Variants in BRINP3 observed in about 807,000 individuals in gnomAD.
BRINP3 encodes the protein BMP/retinoic acid-inducible neural-specific protein 3.
A neutral mutation model predicts 71.0 loss-of-function variants in BRINP3; 19 were observed. The ratio of observed to expected loss-of-function variants is 0.27; its 90% CI spans 0.19 to 0.39. The LOEUF is 0.39. Among genes scored for constraint, BRINP3 ranks in the 10% least tolerant of loss-of-function variants. The pLI is 1.00. For synonymous variants in BRINP3, 380 were observed against 337.7 expected (o/e 1.13, Z -1.37); for missense variants, 959 against 940.8 (o/e 1.02, Z -0.25).
At chr1:190,323,512 A>G (rs1666382454) in intron 2 of BRINP3, among the ~76,000 whole-genome samples, 1 of 151,864 alleles carries the variant, frequency 6.6e-6, no homozygotes, top group African/African-American at 2.4e-5. Context: ...GTACCTGTTT[A>G]ATTTTTTCAT....
At chr1:190,114,051 T>C (rs1456756808) in intron 7 of BRINP3, among the ~76,000 whole-genome samples, 1 of 152,160 alleles carries the variant, frequency 6.6e-6, no homozygotes, top group African/African-American at 2.4e-5. Context: ...TGAAATGTTA[T>C]CCTCAGTGTT....
chr1:190,364,645 A>G (rs911466553), intron 2 of BRINP3, among the ~76,000 whole-genome samples: 3 of 152,192 alleles, frequency 2.0e-5, no homozygotes, highest in African/African-American at 7.2e-5. Context: ...AATAAATCAT[A>G]GTAATCTAAC....
At chr1:190,319,333 G>A (rs1360579125) in intron 2 of BRINP3, among the ~76,000 whole-genome samples, 1 of 151,982 alleles carries the variant, frequency 6.6e-6, no homozygotes, top group Non-Finnish European at 1.5e-5. Flanking sequence ...TTTGGGTTTT[G>A]GCACTTTTTC....
chr1:190,455,279 T>C (rs1158002301), intron 1 of BRINP3, among the ~76,000 whole-genome samples: 3 of 152,128 alleles, frequency 2.0e-5, no homozygotes, highest in Admixed American at 6.5e-5. Context: ...TAAGTTCAAG[T>C]ATTTCATATA....
intron 2 of BRINP3, among the ~76,000 whole-genome samples, chr1:190,315,471 A>G (rs1280143894): frequency 6.6e-6 from 1 of 152,136 alleles, no homozygotes. Flanking sequence ...CCTCACAGAG[A>G]GCACAGCCAA....
At chr1:190,105,573 A>G (rs1394844113) in intron 7 of BRINP3, among the ~76,000 whole-genome samples, 1 of 152,118 alleles carries the variant, frequency 6.6e-6, no homozygotes, top group Non-Finnish European at 1.5e-5. Context: ...AGAAGTTTAA[A>G]TAACTAGAAC....
rs558641688 is a variant in BRINP3 at position 190,144,022 on chromosome 1, CA to C, written c.1184+16645del. On this transcript the variant is annotated intron_variant, in intron 7 of 7. Coordinates refer to ENST00000367462, the MANE Select transcript of BRINP3 (RefSeq NM_199051.3). ...TTGGATATTGATGTCCATGAAAATG[CA>C]TAGGAGAGTATTAAGGGGAAAATCC... Among the ~76,000 whole-genome samples, 106 of 152,208 alleles carry C rather than the reference CA, an allele frequency of 7.0e-4. 1 individual carries two copies. The highest frequency in any genetic ancestry group is 2.5e-3 in the African/African-American group (105 of 41,546).
At chr1:190,323,225 A>G (rs1051449934) in intron 2 of BRINP3, among the ~76,000 whole-genome samples, 1 of 152,036 alleles carries the variant, frequency 6.6e-6, no homozygotes, top group African/African-American at 2.4e-5. Context: ...AGTGATTTCC[A>G]CCACAAATTT....
chr1:190,419,541 A>G (rs2102451441), intron 2 of BRINP3, among the ~76,000 whole-genome samples: 1 of 152,106 alleles, frequency 6.6e-6, no homozygotes, highest in African/African-American at 2.4e-5. Context: ...TTTGAAATAA[A>G]ACTAAACTGA....
At chr1:190,217,569 A>G (rs1330789114) in intron 6 of BRINP3, among the ~76,000 whole-genome samples, 2 of 152,158 alleles carry the variant, frequency 1.3e-5, no homozygotes, top group Admixed American at 1.3e-4. Flanking sequence ...TAAAAATAAT[A>G]TAAATATTTT....
chr1:190,414,244 G>T (rs1453171566), intron 2 of BRINP3, among the ~76,000 whole-genome samples: 1 of 151,870 alleles, frequency 6.6e-6, no homozygotes, highest in Non-Finnish European at 1.5e-5. Context: ...GTTTTCTGAG[G>T]GTATTGAGCC....
intron 4 of BRINP3, among the ~76,000 whole-genome samples, chr1:190,256,790 T>A (rs995291153): frequency 1.2e-4 from 18 of 152,256 alleles, no homozygotes; most frequent in Non-Finnish European, 1.6e-4. Context: ...AAAACTCTTT[T>A]CTTTAAGAAT....
chr1:190,368,095 T>G (rs1479696622), intron 2 of BRINP3, among the ~76,000 whole-genome samples: 1 of 152,142 alleles, frequency 6.6e-6, no homozygotes, highest in Non-Finnish European at 1.5e-5. Context: ...TGTCCATTCT[T>G]ACACTGCTAA....
chr1:190,437,256 T>G (rs544976224), intron 2 of BRINP3, among the ~76,000 whole-genome samples: 203 of 151,890 alleles, frequency 1.3e-3, no homozygotes, highest in African/African-American at 4.7e-3. Context: ...TTATTTAACT[T>G]TTTGGGCTTT....
chr1:190,405,252 C>T (rs1672188998), intron 2 of BRINP3, among the ~76,000 whole-genome samples: 1 of 151,782 alleles, frequency 6.6e-6, no homozygotes, highest in African/African-American at 2.4e-5. Context: ...CAGATCGAGA[C>T]CATCCTGGCT....
At chr1:190,131,183 G>T in intron 7 of BRINP3, among the ~76,000 whole-genome samples, 1 of 126,808 alleles carries the variant, frequency 7.9e-6, no homozygotes, top group African/African-American at 2.9e-5. Flanking sequence ...TGTGTGGCGG[G>T]GGGTGGGGGG....
At chr1:190,405,658 A>G (rs1350990193) in intron 2 of BRINP3, among the ~76,000 whole-genome samples, 1 of 152,044 alleles carries the variant, frequency 6.6e-6, no homozygotes, top group African/African-American at 2.4e-5. Flanking sequence ...AACGAATTCA[A>G]ACTAAAGGAA....
At chr1:190,230,068 A>G (rs747660815) in intron 5 of BRINP3, among the ~76,000 whole-genome samples, 1 of 152,034 alleles carries the variant, frequency 6.6e-6, no homozygotes, top group Non-Finnish European at 1.5e-5. Context: ...CAGCATAGAC[A>G]TTTAAGAGAT....
Position 190,142,304 on chromosome 1 carries a change from T to C in BRINP3, c.1184+18364A>G, listed in dbSNP as rs141500938. The stretch of plus-strand genomic sequence containing the variant: ...AAGAAACATTTTACATAACCTGATA[T>C]ATGAAAGGTCAAGAAGCACCTGAAA... On this transcript the variant is annotated intron_variant, in intron 7 of 7. Coordinates refer to ENST00000367462, the MANE Select transcript of BRINP3 (RefSeq NM_199051.3). 7.3e-3 allele frequency among the ~76,000 whole-genome samples: 1,112 copies of C among 152,256 alleles called. 11 individuals are homozygous for C. Among genetic ancestry groups the C allele is most frequent in the East Asian group, 0.01 (54 of 5,178 alleles).
Sources: gnomAD v4.1 joint callset for allele counts (sites outside exome capture counted in the v4.1 genomes callset) on GRCh38, gnomAD v4.1.1 for gene constraint, MANE v1.5 for transcripts, NCBI Gene and HGNC (gene_info 2026-07-23, HGNC 2026-07-21) for gene names.